The following KLHDC1 variants were observed in gnomAD, a reference collection of about 807,000 sequenced individuals.
KLHDC1 encodes the protein kelch domain-containing protein 1.
KLHDC1 carries 53 observed loss-of-function variants against 68.3 expected under a neutral mutation model. The observed-to-expected ratio is 0.78, with a 90% CI of 0.62 to 0.98. The LOEUF (loss-of-function observed/expected upper bound fraction) is 0.98. Among genes scored for constraint, KLHDC1 ranks in the 50% least tolerant of loss-of-function variants. The probability of loss-of-function intolerance (pLI) is 0.00; values close to 1 mark genes in which losing one functional copy is unlikely to be tolerated. For missense variants in KLHDC1, 470 were observed against 492.3 expected, an observed-to-expected ratio of 0.95 and a Z score of 0.43; for synonymous variants, 148 against 159.0, an observed-to-expected ratio of 0.93 and a Z score of 0.52.
chr14:49,712,906 C>T (rs989051035), intron 4 of KLHDC1, among the ~76,000 whole-genome samples: 5 of 151,744 alleles, frequency 3.3e-5, no homozygotes, highest in African/African-American at 9.7e-5. Context: ...TCCGAAAGTG[C>T]TGGGATTACA....
intron 4 of KLHDC1, among the ~76,000 whole-genome samples, chr14:49,719,906 C>T (rs1467544604): frequency 6.6e-6 from 1 of 152,018 alleles, no homozygotes; most frequent in African/African-American, 2.4e-5. Flanking sequence ...CTCACTGCAG[C>T]CTCAAACTCC....
At chr14:49,726,647 G>A (rs1325048800) in intron 6 of KLHDC1, among the ~76,000 whole-genome samples, 4 of 152,104 alleles carry the variant, frequency 2.6e-5, no homozygotes, top group Admixed American at 2.6e-4. Context: ...TCTTTCATTT[G>A]TTAGTGACCA....
intron 12 of KLHDC1, among the ~76,000 whole-genome samples, chr14:49,747,643 C>G (rs1409178366): frequency 6.6e-6 from 1 of 152,002 alleles, no homozygotes; most frequent in Non-Finnish European, 1.5e-5. Flanking sequence ...GTGAGGTCAT[C>G]TGATAAGAGA....
At chr14:49,748,870 G>T (rs1374969939) in intron 12 of KLHDC1, among the ~76,000 whole-genome samples, 1 of 150,708 alleles carries the variant, frequency 6.6e-6, no homozygotes, top group Non-Finnish European at 1.5e-5. Context: ...GCGCAATCTT[G>T]GCTCACTGCA....
At chr14:49,707,297 TGAGAGAGAGA>T (rs762892306) in intron 1 of KLHDC1, among the ~76,000 whole-genome samples, 3 of 120,856 alleles carry the variant, frequency 2.5e-5, no homozygotes, top group African/African-American at 6.2e-5. Flanking sequence ...TGTGTGTGTG[TGAGAGAGAGA>T]GAGAGAGAGA....
intron 9 of KLHDC1, among the ~76,000 whole-genome samples, chr14:49,733,322 C>T (rs1426079671): frequency 6.6e-6 from 1 of 152,100 alleles, no homozygotes; most frequent in Non-Finnish European, 1.5e-5. Context: ...TTTTGGAATG[C>T]AGTTTTTCTT....
chr14:49,709,091 C>T, intron 1 of KLHDC1, 68 bp from the exon 2 acceptor site: 1 of 681,692 alleles, frequency 1.5e-6, no homozygotes, highest in Non-Finnish European at 2.5e-6. Flanking sequence ...TTTTTCTCAT[C>T]CTGAGAAGCT....
intron 1 of KLHDC1, among the ~76,000 whole-genome samples, chr14:49,697,778 G>A (rs1887785971): frequency 6.6e-6 from 1 of 152,194 alleles, no homozygotes; most frequent in Non-Finnish European, 1.5e-5. Context: ...CATCTGGCAT[G>A]TGCTAGTTAC....
intron 4 of KLHDC1, among the ~76,000 whole-genome samples, chr14:49,713,128 G>A (rs1329817352): frequency 6.8e-6 from 1 of 147,156 alleles, no homozygotes; most frequent in African/African-American, 2.5e-5. Context: ...TTTTTTTTTT[G>A]TATCTTTAGT....
rs1046031866 is a variant in KLHDC1, at chr14:49,709,265, A to G, written c.167+36A>G. The G allele has an allele frequency of 8.1e-6, 7 of 863,054 alleles. No homozygotes were observed. The African/African-American group carries it at 8.7e-5, about 11-fold the overall frequency. 53.5% of individuals were successfully genotyped at this position (863,054 alleles called of 1,614,324 possible). On this transcript the variant is annotated intron_variant, in intron 2 of 12. Coordinates refer to ENST00000359332, the MANE Select transcript of KLHDC1 (RefSeq NM_172193.3). ...TTAAATTGCATACTGTCTGATCTTA[A>G]TATCTATTATAAATGTTTCTGTAGA...
At chr14:49,694,871 A>G (rs1340814134) in intron 1 of KLHDC1, among the ~76,000 whole-genome samples, 3 of 152,078 alleles carry the variant, frequency 2.0e-5, no homozygotes, top group Non-Finnish European at 4.4e-5. Context: ...AAAAACAAAA[A>G]ACTGTACATA....
intron 12 of KLHDC1, chr14:49,751,250 G>C (rs895261595): frequency 6.4e-6 from 1 of 155,190 alleles, no homozygotes; most frequent in African/African-American, 2.4e-5. Flanking sequence ...ATCCTATCAT[G>C]TTCCAAACAA....
intron 11 of KLHDC1, among the ~76,000 whole-genome samples, chr14:49,740,807 A>T (rs894634205): frequency 6.6e-6 from 1 of 152,098 alleles, no homozygotes; most frequent in African/African-American, 2.4e-5. Context: ...AAATATTTGT[A>T]TGTAGGCTGG....
chr14:49,716,446 T>G (rs990874250), intron 4 of KLHDC1, among the ~76,000 whole-genome samples: 5 of 151,702 alleles, frequency 3.3e-5, no homozygotes, highest in African/African-American at 1.2e-4. Flanking sequence ...TGCAATGGCG[T>G]GGTCTCCACT....
chr14:49,749,272 A>G (rs997250288), intron 12 of KLHDC1, among the ~76,000 whole-genome samples: 10 of 152,150 alleles, frequency 6.6e-5, no homozygotes, highest in African/African-American at 1.2e-4. Context: ...AAAGGATCAA[A>G]TTATGCAGTC....
intron 4 of KLHDC1, among the ~76,000 whole-genome samples, chr14:49,712,217 C>G (rs1594657629): frequency 6.6e-6 from 1 of 152,024 alleles, no homozygotes; most frequent in African/African-American, 2.4e-5. Context: ...TGCACCCAAC[C>G]AATATGTCTT....
At chr14:49,749,145 AC>A (rs1440416237) in intron 12 of KLHDC1, among the ~76,000 whole-genome samples, 1 of 151,938 alleles carries the variant, frequency 6.6e-6, no homozygotes, top group Non-Finnish European at 1.5e-5. Context: ...TCAATATATA[AC>A]CCTATATACA....
Position 49,734,576 on chromosome 14 carries a change from C to A in KLHDC1, c.824-13C>A. 1 of 1,524,226 alleles carries A rather than the reference C, an allele frequency of 6.6e-7. No individual in the cohort carries two copies. The highest frequency in any genetic ancestry group is 1.2e-5 in the South Asian group (1 of 82,576). 94.4% of individuals were successfully genotyped at this position (1,524,226 alleles called of 1,614,324 possible). On this transcript the variant is annotated splice_polypyrimidine_tract_variant and intron_variant, in intron 9 of 12. Coordinates refer to ENST00000359332, the MANE Select transcript of KLHDC1 (RefSeq NM_172193.3). ...GACCTAATCTTAATTTCTGAACTGT[C>A]ATGATATTGCAGGTGATGGTTGGAT...
intron 12 of KLHDC1, among the ~76,000 whole-genome samples, chr14:49,746,089 T>C (rs1221974964): frequency 6.6e-6 from 1 of 151,940 alleles, no homozygotes. Flanking sequence ...GGAGGGAGAA[T>C]GGACTTGGTA....
Sources: allele counts gnomAD v4.1 joint callset (sites outside exome capture counted in the v4.1 genomes callset), GRCh38; gene constraint gnomAD v4.1.1; transcripts MANE v1.5; gene names NCBI Gene and HGNC (gene_info 2026-07-23, HGNC 2026-07-21).